ARID1A: variants seen among roughly 807,000 people sequenced by gnomAD.
ARID1A encodes AT-rich interactive domain-containing protein 1A.
A neutral mutation model predicts 212.6 loss-of-function variants in ARID1A; 20 were observed. That is an observed-to-expected ratio of 0.09 (90% CI 0.07 to 0.14). ARID1A has a LOEUF of 0.14. ARID1A is among the 10% of genes least tolerant of loss of function. The pLI is 1.00. For missense variants in ARID1A, 2,587 were observed against 3,059.0 expected (o/e 0.85, Z 3.64); for synonymous variants, 1,376 against 1,222.1 (o/e 1.13, Z -2.63).
chr1:26,754,973 T>G (rs1013893592), intron 4 of ARID1A, among the ~76,000 whole-genome samples: 1 of 151,888 alleles, frequency 6.6e-6, no homozygotes, highest in African/African-American at 2.4e-5. Context: ...CAAAAAAAAT[T>G]AACCAGGTGT....
At chr1:26,763,364 G>A (rs1057258420) in intron 8 of ARID1A, 79 bp downstream of exon 8, 2 of 1,440,098 alleles carry the variant, frequency 1.4e-6, no homozygotes, top group African/African-American at 2.9e-5. Context: ...GATGCTTCTG[G>A]ACCTAAACCA....
At chr1:26,775,434 G>A (rs1390882972) in intron 18 of ARID1A, 143 bp from the exon 19 acceptor site, 15 of 1,390,128 alleles carry the variant, frequency 1.1e-5, no homozygotes, top group Non-Finnish European at 1.4e-5. Flanking sequence ...GAAGCCATGA[G>A]GGGCTGGTGT....
chr1:26,716,155 A>C (rs1245750533), intron 1 of ARID1A, among the ~76,000 whole-genome samples: 5 of 151,060 alleles, frequency 3.3e-5, no homozygotes, highest in Non-Finnish European at 5.9e-5. Flanking sequence ...GCAGTGAGCC[A>C]AGATCGCGCC....
rs2080888857 is a variant in ARID1A at position 26,751,944 on chromosome 1, A to AG, written c.1921-8911dup. 7.2e-5 allele frequency among the ~76,000 whole-genome samples: 11 copies of AG among 152,348 alleles called. No individual in the cohort carries two copies. The South Asian group carries it at 2.3e-3, about 32-fold the overall frequency. The stretch of plus-strand genomic sequence containing the variant: ...AGAACAATAGCCTATGTAGAAAAAG[A>AG]GAAGAGGGAGTTTGGTGGGGGATTT... On this transcript the variant is annotated intron_variant, in intron 4 of 19. Transcript: ENST00000324856.
intron 1 of ARID1A, among the ~76,000 whole-genome samples, chr1:26,721,559 C>T (rs2080565197): frequency 6.6e-6 from 1 of 152,268 alleles, no homozygotes; most frequent in African/African-American, 2.4e-5. Context: ...ACTTGGTTTC[C>T]TTAGTGGCTT....
intron 1 of ARID1A, among the ~76,000 whole-genome samples, chr1:26,726,233 C>T (rs1051122044): frequency 6.9e-6 from 1 of 143,924 alleles, no homozygotes; most frequent in African/African-American, 2.6e-5. Flanking sequence ...AGTGCAGTGG[C>T]TCGATCTCGG....
chr1:26,778,980 C>T (rs1482750146), intron 19 of ARID1A, 43 bp from the exon 20 acceptor site: 1 of 1,489,838 alleles, frequency 6.7e-7, no homozygotes, highest in African/African-American at 1.4e-5. Flanking sequence ...GTTCTTAGGC[C>T]ACTTTTCTCC....
Position 26,696,726 on chromosome 1 carries a change from G to A in ARID1A, c.323G>A (p.Gly108Asp). 7.3e-7 allele frequency: 1 copy of A among 1,369,378 alleles called. No homozygotes were observed. The highest frequency in any genetic ancestry group is 9.4e-7 in the Non-Finnish European group (1 of 1,062,106). The allele number at this position is 1,369,378 out of a possible 1,614,324, so 84.8% of individuals were successfully genotyped here. ...CTGAAGAACTCGAACGGGAACGCGG[G>A]CCCTAGGCCCGCCCTGAACAATAAC... ...PDLKNSNGNA[G>D]PRPALNNNLT... Residue 108 changes from glycine to aspartate, a missense_variant, in exon 1 of 20, where the codon GGC (glycine) becomes GAC (aspartate). Gly to Asp is a moderately conservative substitution (Grantham distance 94, BLOSUM62 -1). Transcript: ENST00000324856.
chr1:26,746,998 C>T (rs1434445304), intron 4 of ARID1A, among the ~76,000 whole-genome samples: 5 of 152,142 alleles, frequency 3.3e-5, no homozygotes, highest in East Asian at 1.9e-4. Flanking sequence ...GCCAAGATCG[C>T]GCCACTGCAC....
intron 4 of ARID1A, among the ~76,000 whole-genome samples, chr1:26,746,224 T>C (rs1446464099): frequency 6.6e-6 from 1 of 152,202 alleles, no homozygotes; most frequent in Non-Finnish European, 1.5e-5. Flanking sequence ...CAGAAGGATA[T>C]AAGAAGCATT....
At chr1:26,757,138 C>T (rs147324893) in intron 4 of ARID1A, among the ~76,000 whole-genome samples, 1 of 151,426 alleles carries the variant, frequency 6.6e-6, no homozygotes, top group Non-Finnish European at 1.5e-5. Flanking sequence ...TCACTTGAAC[C>T]TGGGAGGTGG....
At chr1:26,701,687 T>G (rs1427561829) in intron 1 of ARID1A, among the ~76,000 whole-genome samples, 3 of 152,226 alleles carry the variant, frequency 2.0e-5, no homozygotes, top group Non-Finnish European at 4.4e-5. Flanking sequence ...GGCAGCTTTC[T>G]GTACATAAAT....
chr1:26,748,484 C>T (rs371797449), intron 4 of ARID1A, among the ~76,000 whole-genome samples: 190 of 152,200 alleles, frequency 1.2e-3, no homozygotes, highest in African/African-American at 4.5e-3. Flanking sequence ...TAGGGGGTTC[C>T]TAACTTCTTT....
At chr1:26,740,355 A>T (rs571956923) in intron 4 of ARID1A, among the ~76,000 whole-genome samples, 1 of 152,210 alleles carries the variant, frequency 6.6e-6, no homozygotes, top group Non-Finnish European at 1.5e-5. Flanking sequence ...TGTATGTTAT[A>T]ATGAGTGCTG....
chr1:26,736,931 AAT>A (rs1433320551), intron 4 of ARID1A, among the ~76,000 whole-genome samples: 1 of 151,400 alleles, frequency 6.6e-6, no homozygotes, highest in Non-Finnish European at 1.5e-5. Context: ...AACCCTGCAC[AAT>A]ATATAAGGCC....
chr1:26,697,207 G>A lies in ARID1A; in HGVS notation c.804G>A (p.Gln268=), dbSNP rs2124743649. 7.1e-7 allele frequency: 1 copy of A among 1,406,002 alleles called. No individual in the cohort carries two copies. Among genetic ancestry groups the A allele is most frequent in the Non-Finnish European group, 9.2e-7 (1 of 1,086,796 alleles). The allele number at this position is 1,406,002 out of a possible 1,614,324, so 87.1% of individuals were successfully genotyped here. Residue 268 remains glutamine, a synonymous_variant, in exon 1 of 20, where the codon CAG becomes CAA. Transcript: ENST00000324856. ...SASSSSSSFA[Q]QRFGAMGGGG... ...CCTCGTCGTCTTCGTCCTTCGCTCA[G>A]CAGCGCTTCGGGGCCATGGGGGGAG...
rs1476360310 is a variant in ARID1A, at chr1:26,774,647, C to T, written c.4420C>T (p.Gln1474Ter). ...TGCACCCCCTGGCACCAATGCCCAG[C>T]AAAACATGCCACCACAAATGATGGG... ...VSAPPGTNAQ[Q>*]NMPPQMMGGP... Residue 1474 changes from glutamine (Q) to a stop codon, truncating the protein, a stop_gained, in exon 18 of 20, where the codon CAA becomes TAA. Transcript: ENST00000324856. LOFTEE classifies it high-confidence loss of function. The surrounding 1 kb of genome is among the most constrained non-coding windows in gnomAD (Gnocchi z 5.6). 1 of 1,614,228 alleles carries T rather than the reference C, an allele frequency of 6.2e-7. No homozygotes were observed. The highest frequency in any genetic ancestry group is 8.5e-7 in the Non-Finnish European group (1 of 1,180,042).
chr1:26,770,588 T>C (rs1466217828), intron 11 of ARID1A: 1 of 153,294 alleles, frequency 6.5e-6, no homozygotes, highest in East Asian at 1.9e-4. Flanking sequence ...TGAAACCCCG[T>C]CTCTACTAAA....
intron 1 of ARID1A, among the ~76,000 whole-genome samples, chr1:26,720,896 G>T (rs1253651586): frequency 6.6e-6 from 1 of 151,672 alleles, no homozygotes; most frequent in African/African-American, 2.4e-5. Context: ...AAAGATTCCT[G>T]GCCCGGCCCC....
Sources: gnomAD v4.1 joint callset for allele counts (sites outside exome capture counted in the v4.1 genomes callset) on GRCh38, gnomAD v4.1.1 for gene constraint, Gnocchi (gnomAD v3.1) non-coding constraint, MANE v1.5 for transcripts, NCBI Gene and HGNC (gene_info 2026-07-23, HGNC 2026-07-21) for gene names.